The following EPB41L3 variants were observed in gnomAD, a reference collection of about 807,000 sequenced individuals.
EPB41L3 encodes the protein band 4.1-like protein 3.
A neutral mutation model predicts 127.1 loss-of-function variants in EPB41L3; 57 were observed. The ratio of observed to expected loss-of-function variants is 0.45; its 90% CI spans 0.36 to 0.56. The LOEUF (loss-of-function observed/expected upper bound fraction) is 0.56, where lower values mean the gene tolerates loss of function less well. EPB41L3 is among the 20% of genes least tolerant of loss of function. The pLI, the probability that EPB41L3 is intolerant of heterozygous loss-of-function variation, is 0.00. For synonymous variants in EPB41L3, 572 were observed against 549.5 expected, an observed-to-expected ratio of 1.04 and a Z score of -0.57; for missense variants, 1,273 against 1,372.2, an observed-to-expected ratio of 0.93 and a Z score of 1.14.
chr18:5,416,998 T>C (rs984415856), intron 12 of EPB41L3, among the ~76,000 whole-genome samples: 2 of 152,192 alleles, frequency 1.3e-5, no homozygotes, highest in Non-Finnish European at 2.9e-5. Flanking sequence ...ACAGTTAGCA[T>C]TTCTGAATAT....
intron 6 of EPB41L3, among the ~76,000 whole-genome samples, chr18:5,437,039 C>T (rs546821808): frequency 1.3e-5 from 2 of 152,308 alleles, no homozygotes; most frequent in South Asian, 2.1e-4. Context: ...CATAAACTTA[C>T]TACGGAGCTG....
intron 1 of EPB41L3, among the ~76,000 whole-genome samples, chr18:5,508,553 G>A (rs1345564971): frequency 6.6e-6 from 1 of 151,916 alleles, no homozygotes; most frequent in Admixed American, 6.6e-5. Context: ...GGATCACAAG[G>A]TCAGGAGATC....
At position 5,397,170 on chromosome 18, in the gene EPB41L3, G is replaced by A. The variant is rs1435742555; in HGVS notation, c.2729C>T (p.Ala910Val). The A allele has an allele frequency of 1.2e-6, 2 of 1,614,062 alleles. No homozygotes were observed. Among genetic ancestry groups the A allele is most frequent in the South Asian group, 1.1e-5 (1 of 91,088 alleles). The change falls in exon 18 of 23, where the codon GCT becomes GTT. Residue 910 changes from alanine to valine, a missense_variant. Physicochemically the swap from Ala to Val is moderately conservative, Grantham distance 64 (BLOSUM62 0). Transcript: ENST00000341928. This position sits in a 1 kb window ranked among gnomAD's most constrained non-coding sequence, Gnocchi z 4.1. ...GAKEEGGEEVAKAVLEQEETA... is the reference protein window; with the variant it reads ...GAKEEGGEEVVKAVLEQEETA... Reference sequence around the variant, plus strand: ...CTCTTCCTGTTCCAGGACAGCTTTAGCGACCTCCTCCCCTCCTTCCTCTTT... The same window carrying A: ...CTCTTCCTGTTCCAGGACAGCTTTAACGACCTCCTCCCCTCCTTCCTCTTT...
chr18:5,572,135 G>A (rs183044890), intron 3 of EPB41L3, among the ~76,000 whole-genome samples: 3 of 152,266 alleles, frequency 2.0e-5, no homozygotes, highest in Non-Finnish European at 2.9e-5. Flanking sequence ...CTAAGTTGTT[G>A]CTTTTTACAT....
chr18:5,600,373 A>T (rs530820454), intron 3 of EPB41L3, among the ~76,000 whole-genome samples: 2 of 152,316 alleles, frequency 1.3e-5, no homozygotes, highest in South Asian at 4.1e-4. Flanking sequence ...AGTAGATAAA[A>T]ATAAGAATCT....
At chr18:5,533,662 T>A (rs901985434) in intron 1 of EPB41L3, among the ~76,000 whole-genome samples, 1 of 152,148 alleles carries the variant, frequency 6.6e-6, no homozygotes, top group South Asian at 2.1e-4. Flanking sequence ...CTATTACCGA[T>A]CACAAAGCAA....
At position 5,397,207 on chromosome 18, in the gene EPB41L3, T is replaced by C; in HGVS notation, c.2692A>G (p.Thr898Ala). 6.2e-7 allele frequency: 1 copy of C among 1,614,104 alleles called. No homozygotes were observed. Among genetic ancestry groups the C allele is most frequent in the Non-Finnish European group, 8.5e-7 (1 of 1,180,014 alleles). Residue 898 changes from threonine (T) to alanine (A), a missense_variant, in exon 18 of 23, where the codon ACG becomes GCG. Coordinates refer to ENST00000341928, the MANE Select transcript of EPB41L3 (RefSeq NM_012307.5). This position sits in a 1 kb window ranked among gnomAD's most constrained non-coding sequence, Gnocchi z 4.1. ...CCTCCTTCCTCTTTAGCCCCCTCCGTCAAGGCAGAGCCCTCTTTCCCTTTA... is the reference window on the plus strand; with the variant it reads ...CCTCCTTCCTCTTTAGCCCCCTCCGCCAAGGCAGAGCCCTCTTTCCCTTTA... ...GIKGKEGSAL[T>A]EGAKEEGGEE... is the part of the protein sequence containing the mutation.
At chr18:5,519,052 T>G (rs1317957105) in intron 1 of EPB41L3, among the ~76,000 whole-genome samples, 3 of 152,174 alleles carry the variant, frequency 2.0e-5, no homozygotes, top group South Asian at 4.1e-4. Context: ...GGTGAATTAT[T>G]ATGATGAAAT....
rs760342673 is a variant in EPB41L3 at position 5,397,011 on chromosome 18, A to G, written c.2841+47T>C. The G allele has an allele frequency of 4.9e-5, 74 of 1,522,300 alleles. No homozygotes were observed. The highest frequency in any genetic ancestry group is 5.6e-5 in the Non-Finnish European group (64 of 1,139,684). 94.3% of individuals were successfully genotyped at this position (1,522,300 alleles called of 1,614,324 possible). On this transcript the variant is annotated intron_variant, in intron 18 of 22. Coordinates refer to ENST00000341928, the MANE Select transcript of EPB41L3 (RefSeq NM_012307.5). The surrounding 1 kb of genome is among the most constrained non-coding windows in gnomAD (Gnocchi z 4.1). ...GCTGATCTAAATTTCCAGGCATCCT[A>G]TATCAGTTTTATTTTAGTGATAAAA...
chr18:5,493,467 G>A (rs945569370), intron 1 of EPB41L3, among the ~76,000 whole-genome samples: 2 of 151,908 alleles, frequency 1.3e-5, no homozygotes, highest in South Asian at 4.2e-4. Flanking sequence ...ATAAGTATTT[G>A]TGACTATAGA....
chr18:5,571,615 A>G (rs1172681758), intron 3 of EPB41L3, among the ~76,000 whole-genome samples: 1 of 152,226 alleles, frequency 6.6e-6, no homozygotes, highest in African/African-American at 2.4e-5. Context: ...CTGAGTTAGA[A>G]TCATATCCCA....
chr18:5,558,886 G>C (rs1271863996), intron 3 of EPB41L3, among the ~76,000 whole-genome samples: 3 of 152,178 alleles, frequency 2.0e-5, no homozygotes, highest in Admixed American at 2.0e-4. Flanking sequence ...TATTCTACAA[G>C]TGTACTTAGT....
At chr18:5,533,219 A>G (rs769690489) in intron 1 of EPB41L3, among the ~76,000 whole-genome samples, 1 of 152,178 alleles carries the variant, frequency 6.6e-6, no homozygotes, top group Non-Finnish European at 1.5e-5. Flanking sequence ...GCGCCAAGAC[A>G]CGGCCATGCT....
Position 5,397,507 on chromosome 18 carries a change from G to C in EPB41L3, c.2473-81C>G, listed in dbSNP as rs2073764212. On this transcript the variant is annotated intron_variant, in intron 17 of 22. Coordinates refer to ENST00000341928, the MANE Select transcript of EPB41L3 (RefSeq NM_012307.5). The surrounding 1 kb of genome is among the most constrained non-coding windows in gnomAD (Gnocchi z 4.1). ...AAATAACTAAAGCTGCCACTCGCCA[G>C]GATGTCTAAAGCCAGCAGCAAGTGC... The C allele has an allele frequency of 6.7e-7, 1 of 1,484,804 alleles. No individual in the cohort carries two copies. Among genetic ancestry groups the C allele is most frequent in the Non-Finnish European group, 9.0e-7 (1 of 1,114,032 alleles). The allele number at this position is 1,484,804 out of a possible 1,614,324, so 92.0% of individuals were successfully genotyped here.
rs963010168 is a variant in EPB41L3 at position 5,428,312 on chromosome 18, C to T, written c.1065+1G>A. 8.1e-6 allele frequency: 13 copies of T among 1,613,978 alleles called. No individual in the cohort carries two copies. Among genetic ancestry groups the T allele is most frequent in the Non-Finnish European group, 1.1e-5 (13 of 1,179,986 alleles). On this transcript the variant is annotated splice_donor_variant, in intron 9 of 22. Transcript: ENST00000341928. LOFTEE classifies it high-confidence loss of function. ...GCACAGGCAAATGTGGGTATACTTA[C>T]CTCTCCCGGCCGGATCTTAATGTAA...
chr18:5,477,983 C>T (rs544639948), intron 3 of EPB41L3, among the ~76,000 whole-genome samples: 1 of 152,076 alleles, frequency 6.6e-6, no homozygotes, highest in East Asian at 1.9e-4. Flanking sequence ...TTTTTTTGTT[C>T]CTACCATATT....
At chr18:5,524,064 C>A (rs2093119484) in intron 1 of EPB41L3, among the ~76,000 whole-genome samples, 1 of 152,032 alleles carries the variant, frequency 6.6e-6, no homozygotes, top group African/African-American at 2.4e-5. Flanking sequence ...TCACAACAAA[C>A]CTTTGACGTG....
chr18:5,462,030 C>T (rs1412686549), intron 3 of EPB41L3, among the ~76,000 whole-genome samples: 3 of 152,082 alleles, frequency 2.0e-5, no homozygotes, highest in African/African-American at 4.8e-5. Flanking sequence ...TATTACAGCC[C>T]CAAACTAGAA....
intron 1 of EPB41L3, among the ~76,000 whole-genome samples, chr18:5,523,322 T>C (rs2093074260): frequency 6.6e-6 from 1 of 152,212 alleles, no homozygotes; most frequent in Non-Finnish European, 1.5e-5. Context: ...TCTTCCTTTG[T>C]TTCTTTTCTT....
Sources: gnomAD v4.1 joint callset for allele counts (sites outside exome capture counted in the v4.1 genomes callset) on GRCh38, gnomAD v4.1.1 for gene constraint, Gnocchi (gnomAD v3.1) non-coding constraint, MANE v1.5 for transcripts, NCBI Gene and HGNC (gene_info 2026-07-23, HGNC 2026-07-21) for gene names.